Variants in MAP3K5 observed in about 807,000 individuals in gnomAD.
MAP3K5 encodes mitogen-activated protein kinase kinase kinase 5, also known as ASK-1.
In MAP3K5, 56 loss-of-function variants were observed where a neutral mutation model predicts 158.7. The observed-to-expected ratio is 0.35, with a 90% CI of 0.28 to 0.44. The LOEUF (loss-of-function observed/expected upper bound fraction) is 0.44, where lower values mean the gene tolerates loss of function less well. Among genes scored for constraint, MAP3K5 ranks in the 20% least tolerant of loss-of-function variants. MAP3K5 has a pLI of 1.00. For synonymous variants in MAP3K5, 579 were observed against 601.7 expected, an observed-to-expected ratio of 0.96 and a Z score of 0.55; for missense variants, 1,294 against 1,674.8, an observed-to-expected ratio of 0.77 and a Z score of 3.97.
At chr6:136,627,281 CA>C (rs60946229) in intron 14 of MAP3K5, among the ~76,000 whole-genome samples, 13,575 of 150,978 alleles carry the variant, frequency 0.09, 1,511 homozygotes, top group African/African-American at 0.25. Flanking sequence ...CACTTCTCTG[CA>C]AAAAAAAAGT....
chr6:136,580,502 TA>T, intron 24 of MAP3K5, 96 bp from the exon 25 acceptor site: 1 of 673,696 alleles, frequency 1.5e-6, no homozygotes, highest in Non-Finnish European at 2.6e-6. Context: ...ACAAAACAAC[TA>T]AAAAGTTTCT....
intron 7 of MAP3K5, among the ~76,000 whole-genome samples, chr6:136,670,829 C>T (rs973069416): frequency 6.6e-6 from 1 of 151,976 alleles, no homozygotes; most frequent in Admixed American, 6.6e-5. Flanking sequence ...TAGTTATGTA[C>T]CTATGGAATA....
chr6:136,737,484 T>C (rs1031770329), intron 1 of MAP3K5, among the ~76,000 whole-genome samples: 1 of 152,180 alleles, frequency 6.6e-6, no homozygotes, highest in Admixed American at 6.5e-5. Flanking sequence ...ATAAGCCTGC[T>C]GAATAGAGAC....
intron 1 of MAP3K5, among the ~76,000 whole-genome samples, chr6:136,747,300 G>C (rs1293752026): frequency 2.0e-5 from 3 of 152,136 alleles, no homozygotes; most frequent in Non-Finnish European, 4.4e-5. Context: ...CAGTAATCCT[G>C]GCATCCATGA....
intron 1 of MAP3K5, among the ~76,000 whole-genome samples, chr6:136,744,529 A>C (rs1485598098): frequency 6.6e-6 from 1 of 152,112 alleles, no homozygotes; most frequent in South Asian, 2.1e-4. Context: ...TGGAAGGAGG[A>C]CCTAGTCCAT....
Position 136,684,228 on chromosome 6 carries a change from TA to T in MAP3K5, c.1253+9911del, listed in dbSNP as rs888021894. Among the ~76,000 whole-genome samples the T allele has an allele frequency of 1.0e-2, 1,488 of 148,896 alleles. 19 individuals carry two copies. Among genetic ancestry groups the T allele is most frequent in the African/African-American group, 0.035 (1,421 of 40,592 alleles). ...TGAGACCCTATCTCAATTTTTTTTT[TA>T]AAAAAAAAAGGAAGAAAAATGTCAG... On this transcript the variant is annotated intron_variant, in intron 7 of 29. Coordinates refer to ENST00000359015, the MANE Select transcript of MAP3K5 (RefSeq NM_005923.4).
Position 136,580,409 on chromosome 6 carries a change from GGA to G in MAP3K5, c.3412-5_3412-4del. The G allele has an allele frequency of 1.3e-6, 2 of 1,589,934 alleles. No individual in the cohort carries two copies. The highest frequency in any genetic ancestry group is 8.6e-7 in the Non-Finnish European group (1 of 1,158,634). On this transcript the variant is annotated splice_region_variant and splice_polypyrimidine_tract_variant and intron_variant, in intron 24 of 29. Coordinates refer to ENST00000359015, the MANE Select transcript of MAP3K5 (RefSeq NM_005923.4). ...TGATTCCGAAGAACTTTATTGACCT[GGA>G]GAGAGAGTGACATTTAGCCTACTTT...
chr6:136,557,508 G>T lies in MAP3K5; in HGVS notation c.*250C>A. 2.8e-6 allele frequency: 1 copy of T among 352,942 alleles called. No individual in the cohort carries two copies. The allele number at this position is 352,942 out of a possible 1,614,324, so 21.9% of individuals were successfully genotyped here. A position where few individuals can be genotyped will look rare whatever the true frequency, so the allele number is the denominator to read the frequency against. On this transcript the variant is annotated 3_prime_UTR_variant, in exon 30 of 30. Coordinates refer to ENST00000359015, the MANE Select transcript of MAP3K5 (RefSeq NM_005923.4). ...AAAATGCTTAGATTAAAATCTTCCT[G>T]AACATTAGGGTTCTAATGTTCAGGA...
At chr6:136,769,545 A>C in intron 1 of MAP3K5, among the ~76,000 whole-genome samples, 1 of 151,596 alleles carries the variant, frequency 6.6e-6, no homozygotes, top group Admixed American at 6.6e-5. Flanking sequence ...ATTTAAAAAT[A>C]GAAGAGAGAA....
chr6:136,650,568 G>A (rs961908975), intron 11 of MAP3K5, among the ~76,000 whole-genome samples: 1 of 152,234 alleles, frequency 6.6e-6, no homozygotes, highest in Non-Finnish European at 1.5e-5. Flanking sequence ...ACAGCTAGAT[G>A]TAATGATAAC....
intron 2 of MAP3K5, among the ~76,000 whole-genome samples, chr6:136,712,631 G>C (rs1285958575): frequency 6.6e-6 from 1 of 152,150 alleles, no homozygotes; most frequent in Non-Finnish European, 1.5e-5. Context: ...GAGGTATAGT[G>C]AATTTTTCTA....
At position 136,605,364 on chromosome 6, in the gene MAP3K5, T is replaced by C; in HGVS notation, c.2524A>G (p.Thr842Ala). 6.2e-7 allele frequency: 1 copy of C among 1,606,840 alleles called. No homozygotes were observed. The highest frequency in any genetic ancestry group is 8.5e-7 in the Non-Finnish European group (1 of 1,177,668). The part of the protein sequence containing the change: ...INPCTETFTG[T>A]LQYMAPEIID... ...ATTTCTGGTGCCATATACTGGAGGGTACCTGGAAACAATTCAAACACATTT... is the reference window on the plus strand; with the variant it reads ...ATTTCTGGTGCCATATACTGGAGGGCACCTGGAAACAATTCAAACACATTT... Residue 842 changes from threonine to alanine, a missense_variant and splice_region_variant, in exon 19 of 30, where the codon ACC becomes GCC. Around this residue, in one of 5 missense-constraint regions of MAP3K5, gnomAD observed 362 missense variants for 463.2 expected, o/e 0.78. Transcript: ENST00000359015.
chr6:136,780,935 T>C (rs1260006871), intron 1 of MAP3K5, among the ~76,000 whole-genome samples: 1 of 152,244 alleles, frequency 6.6e-6, no homozygotes, highest in African/African-American at 2.4e-5. Flanking sequence ...TATACATCTT[T>C]ATACTCCTGA....
chr6:136,626,068 T>C (rs1240404189), intron 14 of MAP3K5, among the ~76,000 whole-genome samples: 2 of 152,144 alleles, frequency 1.3e-5, no homozygotes, highest in Non-Finnish European at 2.9e-5. Context: ...AAGGGCAAAT[T>C]ACCTACAAAG....
At chr6:136,623,042 T>A (rs1230885070) in intron 14 of MAP3K5, 61 bp from the exon 15 acceptor site, 2 of 1,549,842 alleles carry the variant, frequency 1.3e-6, no homozygotes, top group Non-Finnish European at 1.8e-6. Context: ...ATTTCAAACA[T>A]CAAATTTTTT....
chr6:136,559,568 G>A (rs1398433513), intron 28 of MAP3K5, among the ~76,000 whole-genome samples: 1 of 152,256 alleles, frequency 6.6e-6, no homozygotes, highest in East Asian at 1.9e-4. Context: ...TGGATAAAAA[G>A]TGTTCCTGGA....
At chr6:136,706,000 G>A (rs558652194) in intron 2 of MAP3K5, among the ~76,000 whole-genome samples, 31 of 152,326 alleles carry the variant, frequency 2.0e-4, no homozygotes, top group Admixed American at 1.5e-3. Context: ...GCTCATGCCT[G>A]TAATCCCAGC....
chr6:136,773,859 GCTGGTCTCAAACAC>G (rs961597704), intron 1 of MAP3K5, among the ~76,000 whole-genome samples: 3 of 152,002 alleles, frequency 2.0e-5, no homozygotes, highest in Admixed American at 6.6e-5. Context: ...CGTTGGCCAG[GCTGGTCTCAAACAC>G]CTGGTCTCAA....
chr6:136,727,828 G>A (rs2876346), intron 1 of MAP3K5, among the ~76,000 whole-genome samples: 77,715 of 151,814 alleles, frequency 0.51, 20,364 homozygotes, highest in African/African-American at 0.63. Flanking sequence ...CGGGCGTGGT[G>A]GCAGGTGCCT....
Sources: gnomAD v4.1 joint callset for allele counts (sites outside exome capture counted in the v4.1 genomes callset) on GRCh38, gnomAD v4.1.1 for gene constraint, gnomAD v4.1.1 regional missense constraint, MANE v1.5 for transcripts, NCBI Gene and HGNC (gene_info 2026-07-23, HGNC 2026-07-21) for gene names.